The following EXOC4 variants were observed in gnomAD, a reference collection of about 807,000 sequenced individuals.
The protein encoded by EXOC4 is SEC8-like 1.
A neutral mutation model predicts 107.2 loss-of-function variants in EXOC4; 71 were observed. The ratio of observed to expected loss-of-function variants is 0.66; its 90% CI spans 0.55 to 0.81. The LOEUF is 0.81. EXOC4 is among the 30% of genes least tolerant of loss of function. The pLI, the probability that EXOC4 is intolerant of heterozygous loss-of-function variation, is 0.00. For missense variants in EXOC4, 1,108 were observed against 1,189.6 expected (o/e 0.93, Z 1.01); for synonymous variants, 456 against 441.2 (o/e 1.03, Z -0.42).
chr7:133,978,969 C>G (rs1179947221), intron 14 of EXOC4, among the ~76,000 whole-genome samples: 1 of 152,118 alleles, frequency 6.6e-6, no homozygotes. Flanking sequence ...AGGGTATGTT[C>G]CCATTTCACT....
At chr7:133,955,149 C>T (rs1486776376) in intron 14 of EXOC4, among the ~76,000 whole-genome samples, 1 of 152,242 alleles carries the variant, frequency 6.6e-6, no homozygotes, top group Admixed American at 6.5e-5. Flanking sequence ...TTAGCCCTGC[C>T]ATTCGGCAGG....
intron 9 of EXOC4, among the ~76,000 whole-genome samples, chr7:133,490,463 A>G (rs1489212054): frequency 6.6e-6 from 1 of 152,202 alleles, no homozygotes; most frequent in Admixed American, 6.5e-5. Context: ...ACAGATGAAG[A>G]GAAGTTTTCC....
chr7:133,868,350 G>A (rs556317198), intron 11 of EXOC4, among the ~76,000 whole-genome samples: 4 of 152,302 alleles, frequency 2.6e-5, no homozygotes, highest in East Asian at 1.9e-4. Flanking sequence ...TGAGAAGAGG[G>A]TAGAAGAGAG....
intron 10 of EXOC4, among the ~76,000 whole-genome samples, chr7:133,788,441 G>A (rs1796635026): frequency 6.6e-6 from 1 of 151,542 alleles, no homozygotes; most frequent in African/African-American, 2.4e-5. Context: ...CTCAGTAAAT[G>A]CTTCACCCTC....
chr7:133,442,041 A>G (rs1798117224), intron 7 of EXOC4, among the ~76,000 whole-genome samples: 1 of 152,218 alleles, frequency 6.6e-6, no homozygotes, highest in Admixed American at 6.5e-5. Context: ...TCTACCAGTA[A>G]CTAATGATTG....
At chr7:133,772,350 A>G (rs1796260921) in intron 10 of EXOC4, among the ~76,000 whole-genome samples, 1 of 152,032 alleles carries the variant, frequency 6.6e-6, no homozygotes, top group African/African-American at 2.4e-5. Flanking sequence ...ATGCATTAGA[A>G]CACAAAGAAT....
In EXOC4 at chr7:133,770,568, T is replaced by C. The variant is rs543767920; in HGVS notation, c.1515-46757T>C. 7.9e-5 allele frequency among the ~76,000 whole-genome samples: 12 copies of C among 152,090 alleles called. No individual in the cohort carries two copies. In the East Asian group the frequency reaches 2.1e-3, roughly 27 times the overall value. ...TATTCAGCAAGTGTGCTTTTGCTAA[T>C]AGTAAGCCAGACATTGTATCAGGCA... On this transcript the variant is annotated intron_variant, in intron 10 of 17. Transcript: ENST00000253861.
At chr7:133,983,986 A>G (rs1794055617) in intron 14 of EXOC4, among the ~76,000 whole-genome samples, 1 of 152,108 alleles carries the variant, frequency 6.6e-6, no homozygotes, top group South Asian at 2.1e-4. Context: ...CTTAGGGAGG[A>G]TTATTTGGAA....
intron 11 of EXOC4, among the ~76,000 whole-genome samples, chr7:133,859,240 C>A (rs1798481976): frequency 6.6e-6 from 1 of 152,190 alleles, no homozygotes; most frequent in Non-Finnish European, 1.5e-5. Flanking sequence ...TGCCACCTGG[C>A]TCTCTGATAA....
At chr7:133,686,505 G>GACCT (rs1794301116) in intron 10 of EXOC4, among the ~76,000 whole-genome samples, 1 of 152,088 alleles carries the variant, frequency 6.6e-6, no homozygotes, top group Non-Finnish European at 1.5e-5. Flanking sequence ...TCCTTCCTCA[G>GACCT]GAATGGACTT....
chr7:133,478,979 A>G (rs1799088358), intron 8 of EXOC4: 1 of 152,190 alleles, frequency 6.6e-6, no homozygotes, highest in Non-Finnish European at 1.5e-5. Context: ...ACTGACATTC[A>G]TCTCAGTATT....
rs184091380 is a variant in EXOC4, at chr7:133,940,665, C to G, written c.2206+2596C>G. Among the ~76,000 whole-genome samples, 6 of 152,276 alleles carry G rather than the reference C, an allele frequency of 3.9e-5. No individual in the cohort carries two copies. In the East Asian group the frequency reaches 1.2e-3, roughly 29 times the overall value. On this transcript the variant is annotated intron_variant, in intron 14 of 17. Transcript: ENST00000253861. ...GCTCTTTGAATTCCCAGGAGAGATG[C>G]CCATTGATGTTTATAATTTGAACAA...
chr7:133,586,230 T>C (rs1391694111), intron 9 of EXOC4, among the ~76,000 whole-genome samples: 1 of 152,174 alleles, frequency 6.6e-6, no homozygotes, highest in Non-Finnish European at 1.5e-5. Flanking sequence ...GATCTTCACC[T>C]TCCTCCTTTC....
intron 7 of EXOC4, among the ~76,000 whole-genome samples, chr7:133,380,257 A>G (rs1025085284): frequency 4.0e-5 from 6 of 150,378 alleles, no homozygotes; most frequent in Non-Finnish European, 7.4e-5. Context: ...AATAAAATAA[A>G]ATAAAATAAA....
At chr7:133,929,004 C>T (rs1168303601) in intron 13 of EXOC4, among the ~76,000 whole-genome samples, 1 of 142,968 alleles carries the variant, frequency 7.0e-6, no homozygotes, top group Non-Finnish European at 1.5e-5. Flanking sequence ...ACCATCTCGG[C>T]TCACTGCAAC....
At chr7:133,333,991 G>A (rs1795452316) in intron 5 of EXOC4, among the ~76,000 whole-genome samples, 1 of 152,212 alleles carries the variant, frequency 6.6e-6, no homozygotes, top group African/African-American at 2.4e-5. Flanking sequence ...AGTCAAAATA[G>A]TCAAAATCCA....
intron 10 of EXOC4, among the ~76,000 whole-genome samples, chr7:133,713,925 G>A (rs955902469): frequency 9.2e-5 from 14 of 152,188 alleles, no homozygotes; most frequent in Admixed American, 8.5e-4. Context: ...CTTTATAGCA[G>A]TATGAAAATA....
At chr7:133,256,313 A>G (rs1354005014) in intron 1 of EXOC4, among the ~76,000 whole-genome samples, 1 of 151,998 alleles carries the variant, frequency 6.6e-6, no homozygotes, top group Non-Finnish European at 1.5e-5. Context: ...CTCATATAAA[A>G]CTTTGATTAT....
At chr7:133,340,083 G>A (rs945695771) in intron 5 of EXOC4, among the ~76,000 whole-genome samples, 6 of 152,140 alleles carry the variant, frequency 3.9e-5, no homozygotes, top group South Asian at 2.1e-4. Flanking sequence ...TCCTTGTCTT[G>A]TTCCAGTTCT....
Sources: allele counts gnomAD v4.1 joint callset (sites outside exome capture counted in the v4.1 genomes callset), GRCh38; gene constraint gnomAD v4.1.1; transcripts MANE v1.5; gene names NCBI Gene and HGNC (gene_info 2026-07-23, HGNC 2026-07-21).